ANKRD17: variants seen among roughly 807,000 people sequenced by gnomAD.
ANKRD17 encodes the protein ankyrin repeat domain 17, also known as ankyrin repeat domain-containing protein 17.
A neutral mutation model predicts 229.7 loss-of-function variants in ANKRD17; 19 were observed. The observed-to-expected ratio is 0.08, with a 90% CI of 0.06 to 0.12. The LOEUF (loss-of-function observed/expected upper bound fraction) is 0.12. Among genes scored for constraint, ANKRD17 ranks in the 10% least tolerant of loss-of-function variants. The pLI is 1.00. For synonymous variants in ANKRD17, 1,112 were observed against 1,146.1 expected (o/e 0.97, Z 0.60); for missense variants, 2,176 against 3,176.8 (o/e 0.68, Z 7.57).
At chr4:73,238,425 A>G (rs984347194) in intron 1 of ANKRD17, among the ~76,000 whole-genome samples, 3 of 152,194 alleles carry the variant, frequency 2.0e-5, no homozygotes, top group Non-Finnish European at 4.4e-5. Context: ...GATGTTTCAG[A>G]AATATTGAAG....
intron 1 of ANKRD17, among the ~76,000 whole-genome samples, chr4:73,240,971 G>A (rs1743974740): frequency 6.6e-6 from 1 of 151,742 alleles, no homozygotes; most frequent in Non-Finnish European, 1.5e-5. Context: ...ACCACACCCA[G>A]CTAATTTTTT....
intron 17 of ANKRD17, 24 bp from the exon 18 acceptor site, chr4:73,125,082 C>T: frequency 6.2e-7 from 1 of 1,613,512 alleles, no homozygotes; most frequent in Non-Finnish European, 8.5e-7. Flanking sequence ...ATGATCTTCT[C>T]ACTACATGCT....
intron 30 of ANKRD17, 125 bp downstream of exon 30, chr4:73,085,124 A>T: frequency 9.3e-7 from 1 of 1,071,170 alleles, no homozygotes; most frequent in South Asian, 1.7e-5. Context: ...ATTTTTTTGA[A>T]ATTCCAGACT....
intron 27 of ANKRD17, among the ~76,000 whole-genome samples, chr4:73,096,313 T>C (rs561870086): frequency 1.4e-4 from 22 of 152,322 alleles, no homozygotes; most frequent in African/African-American, 5.3e-4. Context: ...AATATTCTGA[T>C]GATGTGATTT....
chr4:73,252,199 T>G (rs1458789362), intron 1 of ANKRD17, among the ~76,000 whole-genome samples: 1 of 152,188 alleles, frequency 6.6e-6, no homozygotes, highest in Admixed American at 6.5e-5. Flanking sequence ...GCAGGAGATA[T>G]ACAGATGAGT....
At chr4:73,123,504 T>C (rs1297694611) in intron 18 of ANKRD17, among the ~76,000 whole-genome samples, 1 of 152,050 alleles carries the variant, frequency 6.6e-6, no homozygotes, top group Non-Finnish European at 1.5e-5. Flanking sequence ...AGTATTCTAG[T>C]AATAAGTGTA....
chr4:73,120,452 A>G, intron 20 of ANKRD17, 115 bp from the exon 21 acceptor site: 1 of 956,220 alleles, frequency 1.0e-6, no homozygotes, highest in East Asian at 2.6e-5. Context: ...AAGATTCACA[A>G]CTAAATTTAA....
intron 1 of ANKRD17, among the ~76,000 whole-genome samples, chr4:73,244,016 C>T (rs1744266949): frequency 6.6e-6 from 1 of 152,060 alleles, no homozygotes; most frequent in Non-Finnish European, 1.5e-5. Context: ...AGATTTGTTT[C>T]TCCTGAGGCC....
rs1456269092 is a variant in ANKRD17, at chr4:73,075,300, G to C, written c.*931C>G. Reference sequence around the variant, plus strand: ...CTTGTATATGCTGACTGGGAACAGTGGTGGCTTTTTAAATTCTCAGAAAGT... The same window carrying C: ...CTTGTATATGCTGACTGGGAACAGTCGTGGCTTTTTAAATTCTCAGAAAGT... On this transcript the variant is annotated 3_prime_UTR_variant, in exon 34 of 34. Coordinates refer to ENST00000358602, the MANE Select transcript of ANKRD17 (RefSeq NM_032217.5). 3 of 152,034 alleles carry C rather than the reference G, an allele frequency of 2.0e-5. No individual in the cohort carries two copies. The highest frequency in any genetic ancestry group is 4.4e-5 in the Non-Finnish European group (3 of 67,948). 9.4% of individuals were successfully genotyped at this position (152,034 alleles called of 1,614,324 possible).
At chr4:73,087,712 T>A (rs913128711) in intron 29 of ANKRD17, among the ~76,000 whole-genome samples, 8 of 152,218 alleles carry the variant, frequency 5.3e-5, no homozygotes, top group African/African-American at 1.9e-4. Flanking sequence ...TCATCCTCAT[T>A]TTATTGGGTG....
intron 1 of ANKRD17, among the ~76,000 whole-genome samples, chr4:73,241,862 A>G (rs1405426281): frequency 6.6e-6 from 1 of 152,164 alleles, no homozygotes; most frequent in Non-Finnish European, 1.5e-5. Context: ...AAAATTAGGA[A>G]ATCTTTTATT....
intron 3 of ANKRD17, among the ~76,000 whole-genome samples, chr4:73,158,063 T>C (rs949682580): frequency 8.0e-5 from 12 of 149,562 alleles, no homozygotes; most frequent in Non-Finnish European, 1.6e-4. Context: ...TGCACTCCAG[T>C]CTGTGTGACA....
rs768309967 is a variant in ANKRD17, at chr4:73,258,436, C to G, written c.233G>C (p.Arg78Pro). The G allele has an allele frequency of 2.5e-6, 4 of 1,610,062 alleles. No homozygotes were observed. The highest frequency in any genetic ancestry group is 2.2e-5 in the South Asian group (2 of 90,950). Reference sequence around the variant, plus strand: ...GCTGCTGCTGGGGGGTCGGCAAGTCCGGTTACGCTTGGCCTTGTGGTGCTG... The same window carrying G: ...GCTGCTGCTGGGGGGTCGGCAAGTCGGGTTACGCTTGGCCTTGTGGTGCTG... The part of the protein sequence containing the change: ...QQQHHKAKRN[R>P]TCRPPSSSES... The change falls in exon 1 of 34, where the codon CGG (arginine) becomes CCG (proline). Residue 78 changes from arginine to proline, a missense_variant. This residue lies in a region of ANKRD17 where 196 missense variants were observed against 190.0 expected (regional missense o/e 1.03). Coordinates refer to ENST00000358602, the MANE Select transcript of ANKRD17 (RefSeq NM_032217.5).
chr4:73,128,910 CAAAG>C (rs1727820089), intron 16 of ANKRD17, among the ~76,000 whole-genome samples: 1 of 151,848 alleles, frequency 6.6e-6, no homozygotes, highest in African/African-American at 2.4e-5. Context: ...TTAATAATGA[CAAAG>C]TAAAGAAAAA....
At chr4:73,163,990 G>A (rs746933746) in intron 2 of ANKRD17, among the ~76,000 whole-genome samples, 20 of 152,126 alleles carry the variant, frequency 1.3e-4, no homozygotes, top group Non-Finnish European at 2.6e-4. Context: ...CAGTTAAGAT[G>A]TATAAAGAAT....
At chr4:73,184,189 T>C (rs925409499) in intron 1 of ANKRD17, among the ~76,000 whole-genome samples, 3 of 152,140 alleles carry the variant, frequency 2.0e-5, no homozygotes, top group Non-Finnish European at 4.4e-5. Context: ...GAAGAATGGT[T>C]CGTTCTGTAG....
intron 22 of ANKRD17, 68 bp downstream of exon 22, chr4:73,118,620 C>G: frequency 6.4e-7 from 1 of 1,563,934 alleles, no homozygotes; most frequent in Non-Finnish European, 8.7e-7. Context: ...CTTTAGTGAT[C>G]ACTAAGCCAT....
chr4:73,258,129 G>T, intron 1 of ANKRD17, 147 bp downstream of exon 1: 1 of 1,388,148 alleles, frequency 7.2e-7, no homozygotes, highest in Non-Finnish European at 9.7e-7. Flanking sequence ...TCACGATTTA[G>T]GCCGAGGGAA....
chr4:73,095,713 C>T (rs1160665015), intron 27 of ANKRD17, among the ~76,000 whole-genome samples: 1 of 149,538 alleles, frequency 6.7e-6, no homozygotes. Context: ...TTTTTTTTGA[C>T]AGAGTCTCGT....
Sources: allele counts gnomAD v4.1 joint callset (sites outside exome capture counted in the v4.1 genomes callset), GRCh38; gene constraint gnomAD v4.1.1; regional missense constraint gnomAD v4.1.1; transcripts MANE v1.5; gene names NCBI Gene and HGNC (gene_info 2026-07-23, HGNC 2026-07-21).